SEC23B: variants seen among roughly 807,000 people sequenced by gnomAD.
SEC23B encodes protein transport protein Sec23B.
SEC23B carries 77 observed loss-of-function variants against 104.3 expected under a neutral mutation model. That is an observed-to-expected ratio of 0.74 (90% CI 0.61 to 0.89). SEC23B has a LOEUF of 0.89. Ranked by LOEUF, SEC23B falls within the 40% of genes least tolerant of loss-of-function variation. SEC23B has a pLI of 0.00. For missense variants in SEC23B, 885 were observed against 949.4 expected (o/e 0.93, Z 0.89); for synonymous variants, 338 against 332.5 (o/e 1.02, Z -0.18).
intron 19 of SEC23B, among the ~76,000 whole-genome samples, chr20:18,557,180 G>A (rs566950145): frequency 3.9e-5 from 6 of 151,960 alleles, no homozygotes; most frequent in East Asian, 1.9e-4. Flanking sequence ...TTCATCTTAC[G>A]TACTTTTTTC....
chr20:18,531,029 G>A (rs539323899), intron 10 of SEC23B, among the ~76,000 whole-genome samples: 2 of 152,286 alleles, frequency 1.3e-5, no homozygotes, highest in South Asian at 4.1e-4. Flanking sequence ...TGCTGGACAT[G>A]GGCATGTAAA....
chr20:18,526,643 G>C (rs1272308878), intron 8 of SEC23B, 112 bp downstream of exon 8: 1 of 1,132,390 alleles, frequency 8.8e-7, no homozygotes, highest in African/African-American at 1.5e-5. Context: ...GCAAGACGCT[G>C]TTTCAGAGAC....
chr20:18,526,428 C>T lies in SEC23B; in HGVS notation c.890C>T (p.Thr297Ile), dbSNP rs1363436677. 1.2e-6 allele frequency: 2 copies of T among 1,614,078 alleles called. No homozygotes were observed. The highest frequency in any genetic ancestry group is 1.7e-6 in the Non-Finnish European group (2 of 1,180,024). The change falls in exon 8 of 20, where the codon ACC becomes ATC. Residue 297 changes from threonine (T) to isoleucine (I), a missense_variant. By Grantham distance (89) the Thr-to-Ile change is moderately conservative. Coordinates refer to ENST00000650089, the MANE Select transcript of SEC23B (RefSeq NM_006363.6). ...RIMLFTGGPP[T>I]QGPGMVVGDE... ...ATGCTGTTTACTGGAGGTCCCCCTA[C>T]CCAAGGGCCTGGCATGGTGGTTGGA... is the stretch of plus-strand genomic sequence containing the variant.
chr20:18,526,324 T>C (rs2060133570), intron 7 of SEC23B, 49 bp from the exon 8 acceptor site: 2 of 1,602,540 alleles, frequency 1.2e-6, no homozygotes, highest in Non-Finnish European at 1.7e-6. Flanking sequence ...GAAACCATAC[T>C]AAAAGGTGAG....
chr20:18,522,673 C>T (rs890337663), intron 4 of SEC23B, among the ~76,000 whole-genome samples: 3 of 143,690 alleles, frequency 2.1e-5, no homozygotes, highest in Non-Finnish European at 4.6e-5. Context: ...GAAGAAACCA[C>T]CAAACAGGCT....
At chr20:18,554,012 G>T (rs1412306448) in intron 17 of SEC23B, among the ~76,000 whole-genome samples, 1 of 152,176 alleles carries the variant, frequency 6.6e-6, no homozygotes, top group African/African-American at 2.4e-5. Flanking sequence ...GGAGGCATGA[G>T]TGACGCCTGA....
At chr20:18,517,779 A>G (rs1346471926) in intron 4 of SEC23B, among the ~76,000 whole-genome samples, 1 of 152,188 alleles carries the variant, frequency 6.6e-6, no homozygotes, top group Non-Finnish European at 1.5e-5. Context: ...CATTTGTCGT[A>G]TAGAATTATT....
Position 18,554,965 on chromosome 20 carries a change from AACAATTCTAAT to A in SEC23B, c.2149-142_2149-132del. The A allele has an allele frequency of 1.5e-3, 179 of 121,450 alleles. 58 individuals carry two copies. The highest frequency in any genetic ancestry group is 3.4e-3 in the Middle Eastern group (2 of 592). 7.5% of individuals were successfully genotyped at this position (121,450 alleles called of 1,614,324 possible). The stretch of plus-strand genomic sequence containing the variant: ...AAAGAAATAGATTACTGTGCAGTAA[AACAATTCTAAT>A]TAGATTACTGTGCAGTAAAACAATT... On this transcript the variant is annotated intron_variant, in intron 18 of 19. Coordinates refer to ENST00000650089, the MANE Select transcript of SEC23B (RefSeq NM_006363.6).
chr20:18,512,294 AT>A lies in SEC23B; in HGVS notation c.279+17del. The A allele has an allele frequency of 6.6e-7, 1 of 1,510,580 alleles. No homozygotes were observed. The highest frequency in any genetic ancestry group is 9.1e-7 in the Non-Finnish European group (1 of 1,092,946). The allele number at this position is 1,510,580 out of a possible 1,614,324, so 93.6% of individuals were successfully genotyped here. A position where few individuals can be genotyped will look rare whatever the true frequency, so the allele number is the denominator to read the frequency against. ...TTCAAAGAAATCAGGTATGTGAATT[AT>A]TTTTAAAAAATGTTATATGTTTTAT... On this transcript the variant is annotated intron_variant, in intron 3 of 19. Transcript: ENST00000650089.
intron 2 of SEC23B, among the ~76,000 whole-genome samples, chr20:18,511,326 T>C (rs2059980282): frequency 6.6e-6 from 1 of 152,158 alleles, no homozygotes; most frequent in African/African-American, 2.4e-5. Flanking sequence ...TTTTTTTGGC[T>C]GATAATCAGT....
intron 4 of SEC23B, among the ~76,000 whole-genome samples, chr20:18,522,879 A>G (rs981788934): frequency 1.3e-5 from 2 of 152,020 alleles, no homozygotes; most frequent in Non-Finnish European, 2.9e-5. Flanking sequence ...AACACAGTGA[A>G]ACCCCTTTTC....
chr20:18,516,589 T>A (rs552165021), intron 4 of SEC23B, among the ~76,000 whole-genome samples: 5 of 151,622 alleles, frequency 3.3e-5, no homozygotes, highest in African/African-American at 9.7e-5. Context: ...TCTTGCTCTG[T>A]TGCCCAGGCT....
chr20:18,555,035 T>C (rs1412438835), intron 18 of SEC23B, 73 bp from the exon 19 acceptor site: 7 of 1,387,344 alleles, frequency 5.0e-6, no homozygotes, highest in Middle Eastern at 1.8e-4. Flanking sequence ...TAAAAACTTA[T>C]CTTTTTTCTG....
At chr20:18,518,969 C>T (rs186134613) in intron 4 of SEC23B, among the ~76,000 whole-genome samples, 1 of 152,248 alleles carries the variant, frequency 6.6e-6, no homozygotes, top group East Asian at 1.9e-4. Flanking sequence ...TAATTATTGA[C>T]ACGTAATTCC....
At chr20:18,517,876 T>G (rs2060044265) in intron 4 of SEC23B, among the ~76,000 whole-genome samples, 1 of 152,172 alleles carries the variant, frequency 6.6e-6, no homozygotes, top group Non-Finnish European at 1.5e-5. Context: ...AAAACAGGTA[T>G]TAGAGGACTA....
At chr20:18,552,047 T>A (rs928874417) in intron 17 of SEC23B, among the ~76,000 whole-genome samples, 2 of 152,218 alleles carry the variant, frequency 1.3e-5, no homozygotes, top group Non-Finnish European at 2.9e-5. Context: ...CTCCTCTGAA[T>A]TATTTGCATC....
chr20:18,544,609 AT>A (rs1415059219), intron 14 of SEC23B, among the ~76,000 whole-genome samples: 21 of 152,186 alleles, frequency 1.4e-4, no homozygotes, highest in African/African-American at 5.1e-4. Context: ...GTACACCTTG[AT>A]TGGGGAGCTC....
rs2060329316 is a variant in SEC23B at position 18,546,115 on chromosome 20, A to G, written c.1743+82A>G. 2.1e-5 allele frequency: 18 copies of G among 857,346 alleles called. No individual in the cohort carries two copies. The South Asian group carries it at 2.2e-4, about 10-fold the overall frequency. 53.1% of individuals were successfully genotyped at this position (857,346 alleles called of 1,614,324 possible). A position where few individuals can be genotyped will look rare whatever the true frequency, so the allele number is the denominator to read the frequency against. On this transcript the variant is annotated intron_variant, in intron 15 of 19. Coordinates refer to ENST00000650089, the MANE Select transcript of SEC23B (RefSeq NM_006363.6). Reference sequence around the variant, plus strand: ...ACTTTATTCTTAGGGTAAAGTGAAGACTTTTTAATGTGTTGAGACTCAGTC... The same window carrying G: ...ACTTTATTCTTAGGGTAAAGTGAAGGCTTTTTAATGTGTTGAGACTCAGTC...
intron 19 of SEC23B, among the ~76,000 whole-genome samples, chr20:18,555,592 A>G (rs540943142): frequency 6.6e-6 from 1 of 152,022 alleles, no homozygotes; most frequent in Non-Finnish European, 1.5e-5. Flanking sequence ...CCTGATTACT[A>G]CTTTATCTAA....
Sources: allele counts gnomAD v4.1 joint callset (sites outside exome capture counted in the v4.1 genomes callset), GRCh38; gene constraint gnomAD v4.1.1; transcripts MANE v1.5; gene names NCBI Gene and HGNC (gene_info 2026-07-23, HGNC 2026-07-21).